The following HMCN1 variants were observed in gnomAD, a reference collection of about 807,000 sequenced individuals.
HMCN1 encodes hemicentin 1, also known as hemicentin-1.
Under a neutral mutation model 625.9 loss-of-function variants are expected in HMCN1, and 321 were observed. The observed-to-expected ratio is 0.51, with a 90% CI of 0.47 to 0.56. The LOEUF is 0.56. Among genes scored for constraint, HMCN1 ranks in the 20% least tolerant of loss-of-function variants. The pLI, the probability that HMCN1 is intolerant of heterozygous loss-of-function variation, is 0.00. For missense variants in HMCN1, 6,588 were observed against 6,887.3 expected, an observed-to-expected ratio of 0.96 and a Z score of 1.54; for synonymous variants, 2,425 against 2,417.6, an observed-to-expected ratio of 1.00 and a Z score of -0.09.
At chr1:186,157,231 C>T (rs1651082344) in intron 97 of HMCN1, among the ~76,000 whole-genome samples, 1 of 152,016 alleles carries the variant, frequency 6.6e-6, no homozygotes, top group Non-Finnish European at 1.5e-5. Context: ...ACAAGACTAC[C>T]AGAATTTTAT....
intron 86 of HMCN1, among the ~76,000 whole-genome samples, chr1:186,134,746 T>C (rs1649490691): frequency 6.6e-6 from 1 of 152,178 alleles, no homozygotes; most frequent in Non-Finnish European, 1.5e-5. Context: ...GTCTAAAATA[T>C]GCAGCCACAA....
chr1:186,122,877 G>A, intron 80 of HMCN1, 74 bp from the exon 81 acceptor site: 1 of 1,446,144 alleles, frequency 6.9e-7, no homozygotes, highest in Non-Finnish European at 9.6e-7. Flanking sequence ...TGCTAGAGCA[G>A]TACTGTAGTA....
chr1:186,016,333 T>C, intron 32 of HMCN1, 94 bp downstream of exon 32: 2 of 1,237,582 alleles, frequency 1.6e-6, no homozygotes, highest in Non-Finnish European at 2.3e-6. Flanking sequence ...AATAAAACAA[T>C]CTAAAAGAAG....
chr1:185,905,605 A>G (rs1666052843), intron 4 of HMCN1, among the ~76,000 whole-genome samples: 3 of 151,828 alleles, frequency 2.0e-5, no homozygotes, highest in Admixed American at 2.0e-4. Context: ...ATATGTATGT[A>G]AAAATTGACT....
chr1:186,042,795 A>G (rs1347344671), intron 40 of HMCN1, among the ~76,000 whole-genome samples: 13 of 152,040 alleles, frequency 8.6e-5, no homozygotes, highest in African/African-American at 3.1e-4. Flanking sequence ...ATATTTTTAT[A>G]TTTGTAGTAG....
At chr1:185,764,693 A>G (rs898513222) in intron 1 of HMCN1, among the ~76,000 whole-genome samples, 2 of 152,162 alleles carry the variant, frequency 1.3e-5, no homozygotes, top group African/African-American at 4.8e-5. Flanking sequence ...GGCTATACTT[A>G]GTACTGACAA....
At chr1:185,904,716 T>C (rs957019460) in intron 4 of HMCN1, among the ~76,000 whole-genome samples, 4 of 151,894 alleles carry the variant, frequency 2.6e-5, no homozygotes, top group African/African-American at 4.8e-5. Flanking sequence ...ATCTGTAAAA[T>C]GGAAATAATT....
chr1:186,033,064 G>GCGCACACACACA (rs1027390136), intron 36 of HMCN1, among the ~76,000 whole-genome samples: 1 of 140,314 alleles, frequency 7.1e-6, no homozygotes, highest in African/African-American at 2.5e-5. Context: ...ATACACACAC[G>GCGCACACACACA]CACACACACA....
chr1:185,883,671 G>A (rs757353989), intron 4 of HMCN1, among the ~76,000 whole-genome samples: 8 of 151,882 alleles, frequency 5.3e-5, no homozygotes, highest in Non-Finnish European at 1.2e-4. Context: ...ATTGTTTCTA[G>A]TGCTTATTTA....
chr1:185,842,778 A>G (rs915987322), intron 1 of HMCN1, among the ~76,000 whole-genome samples: 4 of 152,090 alleles, frequency 2.6e-5, no homozygotes, highest in Non-Finnish European at 4.4e-5. Context: ...ACAACAAAGC[A>G]TGCTGGGTAC....
intron 89 of HMCN1, among the ~76,000 whole-genome samples, chr1:186,138,837 A>AC (rs1261907959): frequency 6.6e-6 from 1 of 152,224 alleles, no homozygotes; most frequent in African/African-American, 2.4e-5. Flanking sequence ...TGAACTGTCT[A>AC]CCTAGTGTAA....
At position 186,190,110 on chromosome 1, in the gene HMCN1, G is replaced by T. The variant is rs1443694595; in HGVS notation, c.*232G>T. 1.6e-5 allele frequency: 9 copies of T among 563,778 alleles called. No homozygotes were observed. The highest frequency in any genetic ancestry group is 9.1e-5 in the Admixed American group (3 of 33,124). 34.9% of individuals were successfully genotyped at this position (563,778 alleles called of 1,614,324 possible). Reference sequence around the variant, plus strand: ...CCTTATTATTTTATTTATTACACTGGAGCAGTTACTTCCCAAAGATTATTC... The same window carrying T: ...CCTTATTATTTTATTTATTACACTGTAGCAGTTACTTCCCAAAGATTATTC... On this transcript the variant is annotated 3_prime_UTR_variant, in exon 107 of 107. Transcript: ENST00000271588.
In HMCN1 at chr1:186,165,192, A is replaced by T. The variant is rs1292131362; in HGVS notation, c.15319+19A>T. 1 of 1,606,208 alleles carries T rather than the reference A, an allele frequency of 6.2e-7. No individual in the cohort carries two copies. Among genetic ancestry groups the T allele is most frequent in the Non-Finnish European group, 8.5e-7 (1 of 1,172,968 alleles). On this transcript the variant is annotated intron_variant, in intron 98 of 106. Transcript: ENST00000271588. ...TGTGCTGGTAAGTACAGAGATAAATAAAGGGTTTTCTTTTAATGAAAATGT... is the reference window on the plus strand; with the variant it reads ...TGTGCTGGTAAGTACAGAGATAAATTAAGGGTTTTCTTTTAATGAAAATGT...
At chr1:185,910,139 A>AT (rs1447536839) in intron 5 of HMCN1, among the ~76,000 whole-genome samples, 2 of 152,056 alleles carry the variant, frequency 1.3e-5, no homozygotes, top group Admixed American at 6.6e-5. Context: ...ATTTAGAAAT[A>AT]TTTTTTACCT....
chr1:186,093,274 C>T lies in HMCN1; in HGVS notation c.10012+16C>T. On this transcript the variant is annotated intron_variant, in intron 65 of 106. Coordinates refer to ENST00000271588, the MANE Select transcript of HMCN1 (RefSeq NM_031935.3). ...AATGTCTATGGTAAATATGAAATAT[C>T]CCCCTCTTTTGATGATGCTGCCTTA... 6.2e-7 allele frequency: 1 copy of T among 1,613,090 alleles called. No homozygotes were observed. Among genetic ancestry groups the T allele is most frequent in the Non-Finnish European group, 8.5e-7 (1 of 1,179,426 alleles).
chr1:185,749,752 G>T (rs950739791), intron 1 of HMCN1, among the ~76,000 whole-genome samples: 2 of 152,178 alleles, frequency 1.3e-5, no homozygotes, highest in Non-Finnish European at 2.9e-5. Context: ...GTTCTCCCCA[G>T]TGCTGCCAGA....
chr1:185,901,576 C>T (rs957162865), intron 4 of HMCN1, among the ~76,000 whole-genome samples: 3 of 151,668 alleles, frequency 2.0e-5, no homozygotes, highest in Admixed American at 6.6e-5. Context: ...AAATTTGTAA[C>T]GTTCTTCGCA....
At chr1:185,812,089 T>TA (rs1298580455) in intron 1 of HMCN1, among the ~76,000 whole-genome samples, 4 of 152,172 alleles carry the variant, frequency 2.6e-5, no homozygotes, top group Non-Finnish European at 2.9e-5. Flanking sequence ...AAGTAGCATA[T>TA]AGTTTTTGAA....
intron 86 of HMCN1, among the ~76,000 whole-genome samples, chr1:186,135,930 A>G (rs893696216): frequency 2.0e-5 from 3 of 152,320 alleles, no homozygotes; most frequent in Non-Finnish European, 1.5e-5. Context: ...TCTTTTCTCT[A>G]TATGCTCTCA....
Sources: allele counts gnomAD v4.1 joint callset (sites outside exome capture counted in the v4.1 genomes callset), GRCh38; gene constraint gnomAD v4.1.1; transcripts MANE v1.5; gene names NCBI Gene and HGNC (gene_info 2026-07-23, HGNC 2026-07-21).